The following DAB2 variants were observed in gnomAD, a reference collection of about 807,000 sequenced individuals.
DAB2 encodes the protein disabled homolog 2.
Under a neutral mutation model 71.6 loss-of-function variants are expected in DAB2, and 28 were observed. That is an observed-to-expected ratio of 0.39 (90% CI 0.29 to 0.54). The LOEUF (loss-of-function observed/expected upper bound fraction) is 0.54, where lower values mean the gene tolerates loss of function less well. Ranked by LOEUF, DAB2 falls within the 20% of genes least tolerant of loss-of-function variation. DAB2 has a pLI of 0.68. For synonymous variants in DAB2, 345 were observed against 339.7 expected (o/e 1.02, Z -0.17); for missense variants, 867 against 928.8 (o/e 0.93, Z 0.86).
At chr5:39,383,851 A>C (rs143299667) in intron 9 of DAB2, among the ~76,000 whole-genome samples, 44 of 152,294 alleles carry the variant, frequency 2.9e-4, no homozygotes, top group African/African-American at 1.0e-3. Context: ...CATTTCCCTA[A>C]AATCGGTCCA....
chr5:39,396,326 G>C (rs1051091222), intron 1 of DAB2, among the ~76,000 whole-genome samples: 9 of 152,196 alleles, frequency 5.9e-5, no homozygotes, highest in African/African-American at 2.2e-4. Context: ...AATCTCAGCT[G>C]AGAAGCTGTA....
chr5:39,402,011 G>A (rs1755514803), intron 1 of DAB2, among the ~76,000 whole-genome samples: 1 of 152,066 alleles, frequency 6.6e-6, no homozygotes, highest in African/African-American at 2.4e-5. Context: ...TCACAATCGT[G>A]GTGGAAGGTG....
At chr5:39,394,496 A>G (rs1368962494) in intron 1 of DAB2, 75 bp from the exon 2 acceptor site, 5 of 590,486 alleles carry the variant, frequency 8.5e-6, no homozygotes, top group African/African-American at 7.5e-5. Flanking sequence ...TAGGCTTACA[A>G]CTAGTGACTT....
intron 1 of DAB2, chr5:39,418,444 A>C (rs1205842316): frequency 6.6e-6 from 1 of 152,222 alleles, no homozygotes; most frequent in Non-Finnish European, 1.5e-5. Context: ...ATATAAAAAA[A>C]TAAGTGAGAT....
intron 1 of DAB2, among the ~76,000 whole-genome samples, chr5:39,399,857 A>G (rs62358426): frequency 0.028 from 4,194 of 152,332 alleles, 89 homozygotes; most frequent in South Asian, 0.086. Context: ...TCTAGGCTTT[A>G]TAGGGGTAAA....
In DAB2 at chr5:39,423,194, C is replaced by T. The variant is rs369172507; in HGVS notation, c.-102+1610G>A. On this transcript the variant is annotated intron_variant, in intron 1 of 14. Transcript: ENST00000320816. ...GGGAAAAGAAGGGGGAAGTTATTCACCAACAACAGGAAAAAGAATTTAGTT... is the reference window on the plus strand; with the variant it reads ...GGGAAAAGAAGGGGGAAGTTATTCATCAACAACAGGAAAAAGAATTTAGTT... 1.4e-3 allele frequency among the ~76,000 whole-genome samples: 207 copies of T among 152,192 alleles called. 10 individuals are homozygous for T. In the South Asian group the frequency reaches 0.04, roughly 29 times the overall value.
intron 8 of DAB2, 99 bp downstream of exon 8, chr5:39,388,700 T>C (rs1272775904): frequency 1.0e-6 from 1 of 973,360 alleles, no homozygotes; most frequent in Non-Finnish European, 1.6e-6. Flanking sequence ...TGGATTTTCA[T>C]ATAGATTCAA....
At chr5:39,374,798 T>C in intron 14 of DAB2, 1 of 495,154 alleles carries the variant, frequency 2.0e-6, no homozygotes, top group Non-Finnish European at 3.5e-6. Context: ...TCCCCAAGGG[T>C]ATATTACTAT....
At position 39,390,917 on chromosome 5, in the gene DAB2, G is replaced by C. The variant is rs62358403; in HGVS notation, c.331-342C>G. Among the ~76,000 whole-genome samples the C allele has an allele frequency of 8.3e-3, 1,258 of 152,238 alleles. 11 individuals carry two copies. The highest frequency in any genetic ancestry group is 0.013 in the Non-Finnish European group (853 of 68,004). ...TTAGCCCTTAAGCCAAGCCAAATAGGTCTACTTTCCCAACTCAAAGACAAA... is the reference window on the plus strand; with the variant it reads ...TTAGCCCTTAAGCCAAGCCAAATAGCTCTACTTTCCCAACTCAAAGACAAA... On this transcript the variant is annotated intron_variant, in intron 4 of 14. Transcript: ENST00000320816.
At chr5:39,375,117 C>A in intron 13 of DAB2, 33 bp from the exon 14 acceptor site, 1 of 1,491,596 alleles carries the variant, frequency 6.7e-7, no homozygotes, top group East Asian at 2.3e-5. Context: ...TCAATAAATA[C>A]AGTTACAGTC....
chr5:39,379,939 C>T (rs1754940472), intron 11 of DAB2, among the ~76,000 whole-genome samples: 2 of 152,216 alleles, frequency 1.3e-5, no homozygotes, highest in South Asian at 4.1e-4. Flanking sequence ...AAAAGCTTCA[C>T]TTCGTCTGAA....
At chr5:39,391,978 AAAAAT>A (rs1755240582) in intron 4 of DAB2, among the ~76,000 whole-genome samples, 3 of 119,430 alleles carry the variant, frequency 2.5e-5, no homozygotes, top group South Asian at 2.7e-4. Context: ...AAAAAAAAAA[AAAAAT>A]ATATATATAT....
intron 1 of DAB2, among the ~76,000 whole-genome samples, chr5:39,403,716 ATT>A (rs60449035): frequency 2.4e-4 from 33 of 135,276 alleles, no homozygotes; most frequent in Middle Eastern, 3.9e-3. Context: ...TTTTTTTGGA[ATT>A]TTTTTTTTTT....
At chr5:39,405,933 T>A (rs1338437506) in intron 1 of DAB2, among the ~76,000 whole-genome samples, 1 of 152,170 alleles carries the variant, frequency 6.6e-6, no homozygotes, top group Non-Finnish European at 1.5e-5. Context: ...TTCCCATTAC[T>A]TCTGAGGAAA....
Position 39,381,517 on chromosome 5 carries a change from G to A in DAB2, c.1441C>T (p.Pro481Ser), listed in dbSNP as rs756895904. 1.2e-6 allele frequency: 2 copies of A among 1,614,162 alleles called. No individual in the cohort carries two copies. Among genetic ancestry groups the A allele is most frequent in the Admixed American group, 3.3e-5 (2 of 60,028 alleles). ...GTTTTGAAGAGATCCAGAGGGTTGG[G>A]CTGCAGGGCTGTAGGTTGTCCTGTG... The part of the protein sequence containing the change: ...SPTGQPTALQ[P>S]NPLDLFKTSA... The change falls in exon 11 of 15, where the codon CCC becomes TCC. Residue 481 changes from proline to serine, a missense_variant. By Grantham distance (74) the Pro-to-Ser change is moderately conservative. This residue lies in a region of DAB2 where 740 missense variants were observed against 734.3 expected (regional missense o/e 1.01). Coordinates refer to ENST00000320816, the MANE Select transcript of DAB2 (RefSeq NM_001343.4).
Position 39,394,335 on chromosome 5 carries a change from C to T in DAB2, c.-15G>A. ...TCGTTAGACATGGCAAGAAGGCAGG[C>T]AGCAAACCTCAGTACCAGTGGACAC... On this transcript the variant is annotated 5_prime_UTR_variant, in exon 2 of 15. Transcript: ENST00000320816. 6.2e-7 allele frequency: 1 copy of T among 1,600,562 alleles called. No individual in the cohort carries two copies. Among genetic ancestry groups the T allele is most frequent in the South Asian group, 1.1e-5 (1 of 90,776 alleles).
At chr5:39,418,402 C>T (rs376271967) in intron 1 of DAB2, 1 of 152,088 alleles carries the variant, frequency 6.6e-6, no homozygotes, top group Admixed American at 6.6e-5. Flanking sequence ...GAAAACTAGA[C>T]CAGGTCTTGG....
At chr5:39,416,997 T>C (rs1407381194) in intron 1 of DAB2, among the ~76,000 whole-genome samples, 1 of 152,298 alleles carries the variant, frequency 6.6e-6, no homozygotes, top group African/African-American at 2.4e-5. Context: ...ATTCTGCCAA[T>C]AGAGCCAGGT....
rs144621097 is a variant in DAB2 at position 39,381,122 on chromosome 5, C to T, written c.1504+332G>A. Among the ~76,000 whole-genome samples the T allele has an allele frequency of 2.8e-3, 420 of 152,334 alleles. 7 individuals carry two copies. Among genetic ancestry groups the T allele is most frequent in the Admixed American group, 0.015 (222 of 15,308 alleles). On this transcript the variant is annotated intron_variant, in intron 11 of 14. Coordinates refer to ENST00000320816, the MANE Select transcript of DAB2 (RefSeq NM_001343.4). Reference sequence around the variant, plus strand: ...CATGCATGTTGACAGACAAGCCTCTCTTATGTCAACCCTGTTTTGCTACTG... The same window carrying T: ...CATGCATGTTGACAGACAAGCCTCTTTTATGTCAACCCTGTTTTGCTACTG...
Sources: allele counts gnomAD v4.1 joint callset (sites outside exome capture counted in the v4.1 genomes callset), GRCh38; gene constraint gnomAD v4.1.1; regional missense constraint gnomAD v4.1.1; transcripts MANE v1.5; gene names NCBI Gene and HGNC (gene_info 2026-07-23, HGNC 2026-07-21).